ADAMTSL1: variants seen among roughly 807,000 people sequenced by gnomAD.
The protein encoded by ADAMTSL1 is ADAMTS like 1, also known as ADAMTS-like protein 1.
A neutral mutation model predicts 201.8 loss-of-function variants in ADAMTSL1; 126 were observed. That is an observed-to-expected ratio of 0.62 (90% CI 0.54 to 0.72). The LOEUF (loss-of-function observed/expected upper bound fraction) is 0.72. ADAMTSL1 is among the 30% of genes least tolerant of loss of function. The probability of loss-of-function intolerance (pLI) is 0.00; values close to 1 mark genes in which losing one functional copy is unlikely to be tolerated. For missense variants in ADAMTSL1, 2,679 were observed against 2,277.8 expected (o/e 1.18, Z -3.59); for synonymous variants, 1,121 against 903.4 (o/e 1.24, Z -4.32).
chr9:18,904,388 G>A (rs1324482474), intron 26 of ADAMTSL1, among the ~76,000 whole-genome samples: 1 of 151,974 alleles, frequency 6.6e-6, no homozygotes, highest in Non-Finnish European at 1.5e-5. Context: ...ATAATCACTT[G>A]TACCTGAGAG....
intron 1 of ADAMTSL1, among the ~76,000 whole-genome samples, chr9:17,982,352 C>T (rs759043613): frequency 2.0e-5 from 3 of 152,078 alleles, no homozygotes; most frequent in South Asian, 2.1e-4. Flanking sequence ...TGGTGGCTCA[C>T]GTCTGTAATC....
chr9:18,620,364 T>C (rs983819679), intron 4 of ADAMTSL1, among the ~76,000 whole-genome samples: 12 of 152,198 alleles, frequency 7.9e-5, no homozygotes, highest in African/African-American at 2.7e-4. Flanking sequence ...AGTGGACCCA[T>C]AGATGCTGAA....
At chr9:18,708,746 A>C (rs1171514595) in intron 14 of ADAMTSL1, among the ~76,000 whole-genome samples, 5 of 152,204 alleles carry the variant, frequency 3.3e-5, no homozygotes, top group Non-Finnish European at 7.3e-5. Context: ...AAAATTATTT[A>C]TGGTCTCTCA....
At chr9:18,012,541 G>A (rs1356160046) in intron 1 of ADAMTSL1, among the ~76,000 whole-genome samples, 2 of 152,054 alleles carry the variant, frequency 1.3e-5, no homozygotes, top group Non-Finnish European at 2.9e-5. Flanking sequence ...AGACTCGTAC[G>A]TGAACATTGC....
At chr9:18,415,266 G>A (rs992813600) in intron 2 of ADAMTSL1, among the ~76,000 whole-genome samples, 2 of 152,164 alleles carry the variant, frequency 1.3e-5, no homozygotes, top group African/African-American at 4.8e-5. Flanking sequence ...TGTCACAGAT[G>A]TTGAATTAGC....
In ADAMTSL1 at chr9:18,799,879, A is replaced by C. The variant is rs73644669; in HGVS notation, c.3805+4355A>C. Among the ~76,000 whole-genome samples, 1,454 of 152,322 alleles carry C rather than the reference A, an allele frequency of 9.5e-3. 20 individuals carry two copies. Among genetic ancestry groups the C allele is most frequent in the South Asian group, 0.03 (143 of 4,826 alleles). On this transcript the variant is annotated intron_variant, in intron 20 of 28. Coordinates refer to ENST00000380548, the MANE Select transcript of ADAMTSL1 (RefSeq NM_001040272.6). ...TCTTCTTCCTCTGTCCCTCCCCATC[A>C]TGATTTAGTAGCTACAATAAAAGAC...
At position 18,775,045 on chromosome 9, in the gene ADAMTSL1, G is replaced by T. The variant is rs1384347680; in HGVS notation, c.2398-698G>T. ...ATTTTCCATATCCTCACCAACACTT[G>T]TTGTCTTTTTTTTTTATTATTATTA... On this transcript the variant is annotated intron_variant, in intron 17 of 28. Transcript: ENST00000380548. Among the ~76,000 whole-genome samples, 6 of 125,396 alleles carry T rather than the reference G, an allele frequency of 4.8e-5. No individual in the cohort carries two copies. The East Asian group carries it at 1.4e-3, about 29-fold the overall frequency. 82.3% of individuals were successfully genotyped at this position (125,396 alleles called of 152,430 possible). A position where few individuals can be genotyped will look rare whatever the true frequency, so the allele number is the denominator to read the frequency against.
At chr9:18,710,820 G>A (rs1015974472) in intron 14 of ADAMTSL1, among the ~76,000 whole-genome samples, 4 of 151,928 alleles carry the variant, frequency 2.6e-5, no homozygotes, top group Admixed American at 6.6e-5. Context: ...ACATCCAAAC[G>A]TTAATGCATA....
At chr9:17,957,427 ACAT>A (rs1340495076) in intron 1 of ADAMTSL1, among the ~76,000 whole-genome samples, 4 of 152,174 alleles carry the variant, frequency 2.6e-5, no homozygotes, top group African/African-American at 9.7e-5. Flanking sequence ...CAAGGCATGG[ACAT>A]CATCATTGCC....
intron 1 of ADAMTSL1, among the ~76,000 whole-genome samples, chr9:18,091,302 A>AT (rs1350243709): frequency 1.3e-5 from 2 of 152,028 alleles, no homozygotes; most frequent in Non-Finnish European, 2.9e-5. Context: ...TGGTAGTGTT[A>AT]TTTTTTGGAA....
At chr9:18,597,942 C>T (rs775059406) in intron 4 of ADAMTSL1, among the ~76,000 whole-genome samples, 2 of 152,224 alleles carry the variant, frequency 1.3e-5, no homozygotes, top group East Asian at 3.9e-4. Context: ...ATAATAAACC[C>T]CACCTGTCAT....
Position 18,304,775 on chromosome 9 carries a change from A to G in ADAMTSL1, c.207+140794A>G, listed in dbSNP as rs1323618768. 1.3e-5 allele frequency among the ~76,000 whole-genome samples: 2 copies of G among 152,316 alleles called. 1 individual carries two copies. The highest frequency in any genetic ancestry group is 3.9e-4 in the East Asian group (2 of 5,178). The stretch of plus-strand genomic sequence containing the variant: ...GGAGTTGAGGCATATTCCATAACTC[A>G]TATTTGCATTAATTCAAAATGACTT... On this transcript the variant is annotated intron_variant, in intron 2 of 29. Transcript: ENST00000680146.
intron 1 of ADAMTSL1, among the ~76,000 whole-genome samples, chr9:17,908,492 C>T (rs201248567): frequency 4.1e-4 from 62 of 151,896 alleles, no homozygotes; most frequent in Non-Finnish European, 7.7e-4. Flanking sequence ...GTTTCACTCT[C>T]GTTGCCCAGG....
intron 5 of ADAMTSL1, among the ~76,000 whole-genome samples, chr9:18,634,292 A>G (rs1167190558): frequency 1.3e-5 from 2 of 152,148 alleles, no homozygotes; most frequent in Non-Finnish European, 2.9e-5. Flanking sequence ...GGCCAGGTGC[A>G]GTGGCTTACC....
chr9:17,980,915 A>C (rs921653841), intron 1 of ADAMTSL1, among the ~76,000 whole-genome samples: 16 of 152,180 alleles, frequency 1.1e-4, no homozygotes, highest in African/African-American at 3.6e-4. Context: ...GCCAGTGTGT[A>C]GAGATCAAAC....
At chr9:18,091,008 A>G (rs1238508598) in intron 1 of ADAMTSL1, among the ~76,000 whole-genome samples, 1 of 152,020 alleles carries the variant, frequency 6.6e-6, no homozygotes, top group Non-Finnish European at 1.5e-5. Context: ...TTCTCCATTA[A>G]GCTTTTCTCT....
chr9:18,324,966 A>G (rs996924230), intron 2 of ADAMTSL1, among the ~76,000 whole-genome samples: 1 of 152,204 alleles, frequency 6.6e-6, no homozygotes, highest in African/African-American at 2.4e-5. Context: ...AGCGAAAGAT[A>G]TATGGACAGC....
chr9:18,526,903 C>T (rs1283777740), intron 2 of ADAMTSL1, among the ~76,000 whole-genome samples: 1 of 152,140 alleles, frequency 6.6e-6, no homozygotes, highest in African/African-American at 2.4e-5. Context: ...GGCCCAGGAT[C>T]CCTGGGGCTT....
At chr9:18,453,532 T>C (rs1282057713) in intron 2 of ADAMTSL1, among the ~76,000 whole-genome samples, 1 of 152,224 alleles carries the variant, frequency 6.6e-6, no homozygotes, top group Non-Finnish European at 1.5e-5. Context: ...AAAATCTTTT[T>C]AGTTTTGCTT....
Sources: allele counts gnomAD v4.1 joint callset (sites outside exome capture counted in the v4.1 genomes callset), GRCh38; gene constraint gnomAD v4.1.1; transcripts MANE v1.5; gene names NCBI Gene and HGNC (gene_info 2026-07-23, HGNC 2026-07-21).